Variants in MARCHF1 observed in about 807,000 individuals in gnomAD.
MARCHF1 encodes the protein E3 ubiquitin-protein ligase MARCHF1.
A neutral mutation model predicts 54.2 loss-of-function variants in MARCHF1; 40 were observed. That is an observed-to-expected ratio of 0.74 (90% CI 0.57 to 0.96). The LOEUF is 0.96. MARCHF1 is among the 40% of genes least tolerant of loss of function. MARCHF1 has a pLI of 0.00. For missense variants in MARCHF1, 586 were observed against 656.5 expected (o/e 0.89, Z 1.17); for synonymous variants, 236 against 236.3 (o/e 1.00, Z 0.01).
chr4:164,240,793 A>C lies in MARCHF1; in HGVS notation c.-322-129131T>G, dbSNP rs114404142. On this transcript the variant is annotated intron_variant, in intron 1 of 9. Transcript: ENST00000514618. ...AGCAAGGATGATAGTAGCTATCATG[A>C]CATTCTTTGTTGGGGGAAACTACCT... Among the ~76,000 whole-genome samples the C allele has an allele frequency of 2.8e-3, 429 of 152,204 alleles. 2 individuals carry two copies. Among genetic ancestry groups the C allele is most frequent in the African/African-American group, 9.6e-3 (400 of 41,538 alleles).
chr4:163,914,089 G>A (rs1297595175), intron 3 of MARCHF1, among the ~76,000 whole-genome samples: 2 of 16,434 alleles, frequency 1.2e-4, no homozygotes, highest in Non-Finnish European at 1.7e-3. Context: ...TGGAAAAATT[G>A]TGTTTTTTTC....
intron 1 of MARCHF1, among the ~76,000 whole-genome samples, chr4:164,367,547 T>C (rs930653075): frequency 6.6e-6 from 1 of 152,030 alleles, no homozygotes; most frequent in African/African-American, 2.4e-5. Context: ...TGTTTTAATA[T>C]ATCTCCATAT....
chr4:163,620,600 C>CAG (rs1231607526), intron 5 of MARCHF1, among the ~76,000 whole-genome samples: 6 of 76,820 alleles, frequency 7.8e-5, no homozygotes, highest in African/African-American at 3.2e-4. Context: ...CACACACACA[C>CAG]ACACACAGAG....
chr4:163,627,248 C>A (rs958060678), intron 5 of MARCHF1, among the ~76,000 whole-genome samples: 1 of 152,126 alleles, frequency 6.6e-6, no homozygotes, highest in Non-Finnish European at 1.5e-5. Flanking sequence ...TTAGAGTGCT[C>A]CTAGTATTTT....
intron 3 of MARCHF1, among the ~76,000 whole-genome samples, chr4:163,915,406 G>A (rs1560817820): frequency 6.6e-6 from 1 of 152,002 alleles, no homozygotes. Context: ...TCAAGATTAT[G>A]AAAAACTGAG....
intron 3 of MARCHF1, among the ~76,000 whole-genome samples, chr4:163,894,123 T>C (rs1750723471): frequency 6.6e-6 from 1 of 152,126 alleles, no homozygotes; most frequent in African/African-American, 2.4e-5. Flanking sequence ...ATTGAAGCCT[T>C]AGGGACAGAG....
chr4:164,166,298 A>G (rs1730378020), intron 1 of MARCHF1, among the ~76,000 whole-genome samples: 1 of 152,008 alleles, frequency 6.6e-6, no homozygotes, highest in Admixed American at 6.6e-5. Context: ...TGTTCAGTCT[A>G]ATAAAATTCC....
intron 2 of MARCHF1, among the ~76,000 whole-genome samples, chr4:164,084,714 G>A (rs2111119941): frequency 1.0e-5 from 1 of 95,930 alleles, no homozygotes; most frequent in East Asian, 2.2e-4. Flanking sequence ...AAGAAACACT[G>A]CAAAGTAAGC....
At chr4:164,224,391 C>T (rs2035579184) in intron 1 of MARCHF1, among the ~76,000 whole-genome samples, 1 of 151,874 alleles carries the variant, frequency 6.6e-6, no homozygotes, top group Non-Finnish European at 1.5e-5. Flanking sequence ...TTTATATACT[C>T]TCCATGTGTG....
At chr4:163,835,215 G>T in intron 4 of MARCHF1, among the ~76,000 whole-genome samples, 1 of 152,058 alleles carries the variant, frequency 6.6e-6, no homozygotes, top group Admixed American at 6.6e-5. Context: ...TATTTATAGG[G>T]AATAAATTCC....
At chr4:163,942,059 A>G (rs1039124399) in intron 3 of MARCHF1, among the ~76,000 whole-genome samples, 1 of 152,152 alleles carries the variant, frequency 6.6e-6, no homozygotes, top group African/African-American at 2.4e-5. Flanking sequence ...CTCAATAAAA[A>G]CTGTTGCATT....
chr4:164,206,792 A>C (rs1413310803), intron 1 of MARCHF1, among the ~76,000 whole-genome samples: 18 of 152,132 alleles, frequency 1.2e-4, no homozygotes, highest in Non-Finnish European at 4.4e-5. Context: ...CGTAACTATA[A>C]GATATTCAAA....
intron 7 of MARCHF1, among the ~76,000 whole-genome samples, chr4:163,594,766 A>C (rs1214904838): frequency 6.6e-6 from 1 of 150,554 alleles, no homozygotes; most frequent in Non-Finnish European, 1.5e-5. Flanking sequence ...ACAAACACAC[A>C]CACACACACA....
At chr4:163,916,663 T>C (rs1231932826) in intron 3 of MARCHF1, among the ~76,000 whole-genome samples, 1 of 152,036 alleles carries the variant, frequency 6.6e-6, no homozygotes, top group Admixed American at 6.6e-5. Flanking sequence ...TCTTCTTGTG[T>C]TTTGTATATA....
At chr4:163,614,018 G>C (rs1236814839) in intron 5 of MARCHF1, among the ~76,000 whole-genome samples, 1 of 151,982 alleles carries the variant, frequency 6.6e-6, no homozygotes. Flanking sequence ...CAGATTATTA[G>C]CATAAAGTTG....
chr4:164,139,018 C>T (rs1756462673), intron 1 of MARCHF1, among the ~76,000 whole-genome samples: 2 of 152,132 alleles, frequency 1.3e-5, no homozygotes, highest in Non-Finnish European at 2.9e-5. Context: ...TTGAATTCTG[C>T]ATATGTAAAA....
At chr4:163,912,627 T>G (rs1001170095) in intron 3 of MARCHF1, among the ~76,000 whole-genome samples, 4 of 152,194 alleles carry the variant, frequency 2.6e-5, no homozygotes, top group Non-Finnish European at 4.4e-5. Flanking sequence ...TTCTACTCAA[T>G]TATATGGTGA....
chr4:164,078,297 A>G (rs1049328021), intron 2 of MARCHF1, among the ~76,000 whole-genome samples: 3 of 152,138 alleles, frequency 2.0e-5, no homozygotes, highest in African/African-American at 7.2e-5. Context: ...CAAACACCGC[A>G]TGTTCTCACT....
At chr4:163,854,689 T>G (rs1749722922) in intron 3 of MARCHF1, among the ~76,000 whole-genome samples, 1 of 152,210 alleles carries the variant, frequency 6.6e-6, no homozygotes, top group Non-Finnish European at 1.5e-5. Flanking sequence ...AAAAAAAATT[T>G]ACTGCAAGTA....
Sources: gnomAD v4.1 joint callset for allele counts (sites outside exome capture counted in the v4.1 genomes callset) on GRCh38, gnomAD v4.1.1 for gene constraint, MANE v1.5 for transcripts, NCBI Gene and HGNC (gene_info 2026-07-23, HGNC 2026-07-21) for gene names.